The following AGPAT3 variants were observed in gnomAD, a reference collection of about 807,000 sequenced individuals.
The protein encoded by AGPAT3 is 1-acyl-sn-glycerol-3-phosphate acyltransferase gamma.
AGPAT3 carries 5 observed loss-of-function variants against 47.3 expected under a neutral mutation model. The ratio of observed to expected loss-of-function variants is 0.11; its 90% CI spans 0.06 to 0.22. The LOEUF is 0.22. AGPAT3 is among the 10% of genes least tolerant of loss of function. AGPAT3 has a pLI of 1.00. For missense variants in AGPAT3, 315 were observed against 493.0 expected (o/e 0.64, Z 3.42); for synonymous variants, 212 against 208.3 (o/e 1.02, Z -0.15).
At chr21:43,899,642 G>C (rs1397834509) in intron 1 of AGPAT3, among the ~76,000 whole-genome samples, 1 of 152,192 alleles carries the variant, frequency 6.6e-6, no homozygotes, top group East Asian at 1.9e-4. Context: ...CTGTGGTTCT[G>C]GCTCTTGCCT....
rs574571718 is a variant in AGPAT3 at position 43,907,363 on chromosome 21, C to T, written c.-49+3344C>T. Among the ~76,000 whole-genome samples, 8 of 152,144 alleles carry T rather than the reference C, an allele frequency of 5.3e-5. No individual in the cohort carries two copies. In the South Asian group the frequency reaches 1.5e-3, roughly 28 times the overall value. ...GATCCTCTCTGGAATTTCATCCAGC[C>T]GCATGCTGAAGATTTATGTACTTCT... On this transcript the variant is annotated intron_variant, in intron 2 of 9. Transcript: ENST00000291572.
chr21:43,976,460 G>A (rs557951711), intron 7 of AGPAT3, among the ~76,000 whole-genome samples: 5 of 152,316 alleles, frequency 3.3e-5, no homozygotes, highest in East Asian at 1.9e-4. Context: ...TCGGCTTCCC[G>A]AAGTGCTGGG....
intron 3 of AGPAT3, chr21:43,967,704 C>G: frequency 2.0e-6 from 1 of 503,814 alleles, no homozygotes; most frequent in Non-Finnish European, 3.6e-6. Context: ...AGATCAGCGT[C>G]TCCATGCAGA....
rs557802731 is a variant in AGPAT3 at position 43,979,529 on chromosome 21, A to G, written c.843+1408A>G. ...TCATTCAAGGCGGGACGTTAGAACC[A>G]AAAACCCCACATGATGCTGGGACCC... On this transcript the variant is annotated intron_variant, in intron 8 of 9. Coordinates refer to ENST00000291572, the MANE Select transcript of AGPAT3 (RefSeq NM_020132.5). 2.0e-5 allele frequency among the ~76,000 whole-genome samples: 3 copies of G among 152,254 alleles called. No individual in the cohort carries two copies. In the South Asian group the frequency reaches 6.2e-4, roughly 32 times the overall value.
intron 1 of AGPAT3, among the ~76,000 whole-genome samples, chr21:43,871,229 A>C (rs2085617882): frequency 6.6e-6 from 1 of 152,240 alleles, no homozygotes; most frequent in African/African-American, 2.4e-5. Flanking sequence ...GAAAAATCCC[A>C]AGAATTTATG....
In AGPAT3 at chr21:43,955,060, A is replaced by G. The variant is rs1569087707; in HGVS notation, c.-48-4574A>G. On this transcript the variant is annotated intron_variant, in intron 2 of 9. Coordinates refer to ENST00000291572, the MANE Select transcript of AGPAT3 (RefSeq NM_020132.5). The surrounding 1 kb of genome is among the most constrained non-coding windows in gnomAD (Gnocchi z 4.1). ...CATCACGGCTCTATCTGTGGCCCCC[A>G]AAGGCTGGGTGCCAGCTGCCTGTCG... 1 of 1,232,900 alleles carries G rather than the reference A, an allele frequency of 8.1e-7. No individual in the cohort carries two copies. 76.4% of individuals were successfully genotyped at this position (1,232,900 alleles called of 1,614,324 possible).
chr21:43,942,021 C>T (rs900238242), intron 2 of AGPAT3, among the ~76,000 whole-genome samples: 3 of 152,258 alleles, frequency 2.0e-5, no homozygotes, highest in African/African-American at 4.8e-5. Flanking sequence ...TCACCCACAG[C>T]GTTTCCAAGG....
At chr21:43,940,171 A>T (rs2087608455) in intron 2 of AGPAT3, among the ~76,000 whole-genome samples, 2 of 151,966 alleles carry the variant, frequency 1.3e-5, no homozygotes, top group African/African-American at 4.8e-5. Context: ...TCGGCTCCTC[A>T]CCCTTTGGCC....
intron 7 of AGPAT3, among the ~76,000 whole-genome samples, chr21:43,974,526 TGTG>T (rs780631001): frequency 5.5e-4 from 84 of 151,428 alleles, no homozygotes; most frequent in East Asian, 1.7e-3. Context: ...TAGTGTGTCA[TGTG>T]GTGTGTGTGT....
At chr21:43,961,302 A>T (rs1053890166) in intron 3 of AGPAT3, among the ~76,000 whole-genome samples, 2 of 152,174 alleles carry the variant, frequency 1.3e-5, no homozygotes, top group African/African-American at 4.8e-5. Flanking sequence ...ACTTCGTCTC[A>T]TATGGGAAAC....
chr21:43,974,726 TTGATGTGTG>T, intron 7 of AGPAT3, among the ~76,000 whole-genome samples: 2 of 151,844 alleles, frequency 1.3e-5, no homozygotes, highest in South Asian at 4.2e-4. Flanking sequence ...TTGTATGTGT[TTGATGTGTG>T]TGGTGTGTAC....
intron 1 of AGPAT3, among the ~76,000 whole-genome samples, chr21:43,901,588 C>T (rs2086359127): frequency 6.6e-6 from 1 of 151,984 alleles, no homozygotes; most frequent in Non-Finnish European, 1.5e-5. Flanking sequence ...ATCAAGACCA[C>T]CCTGGACAAC....
chr21:43,923,247 G>C (rs1601317601), intron 2 of AGPAT3, among the ~76,000 whole-genome samples: 1 of 151,850 alleles, frequency 6.6e-6, no homozygotes, highest in Admixed American at 6.6e-5. Context: ...GTCGCTGTCT[G>C]GGGGGCACTC....
chr21:43,917,424 C>T (rs1450823762), intron 2 of AGPAT3, among the ~76,000 whole-genome samples: 2 of 152,228 alleles, frequency 1.3e-5, no homozygotes, highest in African/African-American at 2.4e-5. Flanking sequence ...GTCATCTCCA[C>T]GTTGGTGTCC....
In AGPAT3 at chr21:43,901,950, C is replaced by T. The variant is rs181836162; in HGVS notation, c.-111-2007C>T. ...GAACAGAGCATCAGTGGGACCATAT[C>T]GAGAGTAACATATGAAACTGATTTC... On this transcript the variant is annotated intron_variant, in intron 1 of 9. Coordinates refer to ENST00000291572, the MANE Select transcript of AGPAT3 (RefSeq NM_020132.5). 2.5e-3 allele frequency among the ~76,000 whole-genome samples: 374 copies of T among 152,164 alleles called. 2 individuals are homozygous for T. Among genetic ancestry groups the T allele is most frequent in the Non-Finnish European group, 3.9e-3 (267 of 67,998 alleles).
At chr21:43,896,943 G>GTTTTTTTTTTTTTTT (rs61657564) in intron 1 of AGPAT3, among the ~76,000 whole-genome samples, 43 of 42,344 alleles carry the variant, frequency 1.0e-3, no homozygotes, top group South Asian at 1.7e-3. Context: ...TTGACAGTCC[G>GTTTTTTTTTTTTTTT]TTTTTTTTTT....
In AGPAT3 at chr21:43,881,718, C is replaced by T. The variant is rs181235631; in HGVS notation, c.-112+16373C>T. Among the ~76,000 whole-genome samples, 540 of 152,200 alleles carry T rather than the reference C, an allele frequency of 3.5e-3. 3 individuals are homozygous for T. Among genetic ancestry groups the T allele is most frequent in the Non-Finnish European group, 6.2e-3 (424 of 68,012 alleles). ...TCGCCCAGGCTGGAGTGCAATGGCA[C>T]AGTCTTGGCCCACTGCAACCTCTGC... On this transcript the variant is annotated intron_variant, in intron 1 of 9. Coordinates refer to ENST00000291572, the MANE Select transcript of AGPAT3 (RefSeq NM_020132.5).
chr21:43,907,970 G>A (rs1226867076), intron 2 of AGPAT3, among the ~76,000 whole-genome samples: 1 of 152,224 alleles, frequency 6.6e-6, no homozygotes. Context: ...ACGGGACCGA[G>A]TAGTCCCCAC....
rs182098350 is a variant in AGPAT3, at chr21:43,962,592, C to T, written c.178+2733C>T. On this transcript the variant is annotated intron_variant, in intron 3 of 9. Transcript: ENST00000291572. ...GAAACAAAAACCTCTCAGCTCCACC[C>T]TTCCACCAAATCCCTTTAGCAAAAA... 2.0e-5 allele frequency among the ~76,000 whole-genome samples: 3 copies of T among 152,346 alleles called. No individual in the cohort carries two copies. The East Asian group carries it at 5.8e-4, about 29-fold the overall frequency.
Sources: gnomAD v4.1 joint callset for allele counts (sites outside exome capture counted in the v4.1 genomes callset) on GRCh38, gnomAD v4.1.1 for gene constraint, Gnocchi (gnomAD v3.1) non-coding constraint, MANE v1.5 for transcripts, NCBI Gene and HGNC (gene_info 2026-07-23, HGNC 2026-07-21) for gene names.